NOL7: variants seen among roughly 807,000 people sequenced by gnomAD.
The protein encoded by NOL7 is nucleolar protein 7.
In NOL7, 36 loss-of-function variants were observed where a neutral mutation model predicts 38.4. The ratio of observed to expected loss-of-function variants is 0.94; its 90% CI spans 0.72 to 1.24. The LOEUF is 1.24. NOL7 is among the 50% of genes most tolerant of loss of function. The pLI, the probability that NOL7 is intolerant of heterozygous loss-of-function variation, is 0.00. For synonymous variants in NOL7, 142 were observed against 126.5 expected (o/e 1.12, Z -0.82); for missense variants, 350 against 315.1 (o/e 1.11, Z -0.84).
intron 8 of NOL7, among the ~76,000 whole-genome samples, chr6:13,627,659 G>A (rs1764652480): frequency 7.2e-6 from 1 of 139,448 alleles, no homozygotes; most frequent in South Asian, 2.5e-4. Context: ...AAAAAATCAC[G>A]TTATTTTTAA....
chr6:13,620,411 A>AT lies in NOL7; in HGVS notation c.627dup (p.Lys210Ter). 1.2e-6 allele frequency: 2 copies of AT among 1,614,140 alleles called. No individual in the cohort carries two copies. Among genetic ancestry groups the AT allele is most frequent in the Non-Finnish European group, 1.7e-6 (2 of 1,179,996 alleles). On this transcript the variant is annotated frameshift_variant, in exon 7 of 8. Coordinates refer to ENST00000451315, the MANE Select transcript of NOL7 (RefSeq NM_016167.5). LOFTEE classifies it high-confidence loss of function. ...GATAAATACCTTTCTTTTCTAGTAA[A>AT]TAAGTTCCTGTCTCTTGCCAACAAG...
chr6:13,615,924 G>A, intron 2 of NOL7, 152 bp downstream of exon 2: 1 of 861,726 alleles, frequency 1.2e-6, no homozygotes. Flanking sequence ...CGGGCCGGGC[G>A]CGGCAGTACT....
At chr6:13,622,357 C>G (rs759233812), downstream of NOL7, 1 of 1,560,110 alleles carries the variant, frequency 6.4e-7, no homozygotes, top group Non-Finnish European at 8.7e-7. Context: ...TCTTGAAATG[C>G]ATAGCTAATG....
At chr6:13,615,815 T>C (rs1584897521) in intron 2 of NOL7, 43 bp downstream of exon 2, 2 of 1,567,552 alleles carry the variant, frequency 1.3e-6, no homozygotes, top group African/African-American at 1.4e-5. Context: ...ACAACTCGGC[T>C]CAGGGAGAAT....
At chr6:13,620,128 G>A in intron 5 of NOL7, 80 bp from the exon 6 acceptor site, 1 of 1,477,238 alleles carries the variant, frequency 6.8e-7, no homozygotes, top group South Asian at 1.3e-5. Context: ...GGGTGACAGA[G>A]CGAGACTCTG....
At chr6:13,625,888 C>A, downstream of NOL7, 2 of 611,358 alleles carry the variant, frequency 3.3e-6, no homozygotes, top group Admixed American at 2.4e-5. Flanking sequence ...ACTTTAAACC[C>A]ATTTACTCCC....
intron 8 of NOL7, among the ~76,000 whole-genome samples, chr6:13,632,090 T>C (rs186299701): frequency 4.9e-5 from 7 of 144,064 alleles, no homozygotes; most frequent in Non-Finnish European, 9.0e-5. Flanking sequence ...CACACAATGT[T>C]GATAAGCACT....
intron 5 of NOL7, among the ~76,000 whole-genome samples, 170 bp from the exon 6 acceptor site, chr6:13,620,038 C>T (rs1366273943): frequency 6.6e-6 from 1 of 152,040 alleles, no homozygotes; most frequent in Non-Finnish European, 1.5e-5. Context: ...ACCTGTAATC[C>T]CACTATTCAG....
rs1254652169 is a variant in NOL7 at position 13,620,197 on chromosome 6, T to C, written c.501-11T>C. On this transcript the variant is annotated splice_polypyrimidine_tract_variant and intron_variant, in intron 5 of 7. Coordinates refer to ENST00000451315, the MANE Select transcript of NOL7 (RefSeq NM_016167.5). ...TGTAATTCTTATTTAACCTTTTATA[T>C]TGATCAACAGCCAGAATAAAAGCTA... 18 of 1,600,022 alleles carry C rather than the reference T, an allele frequency of 1.1e-5. No homozygotes were observed. The African/African-American group carries it at 1.9e-4, about 17-fold the overall frequency.
At chr6:13,630,244 TAGAAGTTAG>T in intron 8 of NOL7, among the ~76,000 whole-genome samples, 1 of 152,240 alleles carries the variant, frequency 6.6e-6, no homozygotes, top group South Asian at 2.1e-4. Context: ...GGCATTTGCT[TAGAAGTTAG>T]AGGTGCAAAA....
chr6:13,616,413 A>G lies in NOL7; in HGVS notation c.328-50A>G, dbSNP rs765901789. ...GGTAACTTCAGAAGCAACTCCGGAC[A>G]TACTATGTACATGACTTTCTATTAA... On this transcript the variant is annotated intron_variant, in intron 2 of 7. Coordinates refer to ENST00000451315, the MANE Select transcript of NOL7 (RefSeq NM_016167.5). 17 of 1,331,696 alleles carry G rather than the reference A, an allele frequency of 1.3e-5. 1 individual carries two copies. In the South Asian group the frequency reaches 2.1e-4, roughly 17 times the overall value. The allele number at this position is 1,331,696 out of a possible 1,614,324, so 82.5% of individuals were successfully genotyped here.
chr6:13,628,056 A>G (rs1048848141), intron 8 of NOL7, among the ~76,000 whole-genome samples: 1 of 152,186 alleles, frequency 6.6e-6, no homozygotes, highest in Non-Finnish European at 1.5e-5. Flanking sequence ...TTGTGCACTA[A>G]TATTGTGTGA....
chr6:13,627,005 G>A (rs1262331542), intron 8 of NOL7, among the ~76,000 whole-genome samples: 2 of 152,144 alleles, frequency 1.3e-5, no homozygotes, highest in African/African-American at 2.4e-5. Flanking sequence ...GTGCCTCTAC[G>A]CAAACACACA....
At chr6:13,625,575 G>T (rs1035973760), downstream of NOL7, 23 of 925,958 alleles carry the variant, frequency 2.5e-5, no homozygotes, top group African/African-American at 3.3e-4. Flanking sequence ...TTACCAAAGT[G>T]TAAATGCCAG....
intron 8 of NOL7, among the ~76,000 whole-genome samples, chr6:13,626,789 A>C (rs1322066202): frequency 6.6e-6 from 1 of 152,228 alleles, no homozygotes; most frequent in Non-Finnish European, 1.5e-5. Context: ...CAGCTGCTCA[A>C]AAAACCAGAT....
chr6:13,624,744 C>G (rs1228114512), downstream of NOL7, among the ~76,000 whole-genome samples: 1 of 152,186 alleles, frequency 6.6e-6, no homozygotes, highest in Non-Finnish European at 1.5e-5. Flanking sequence ...GATGCTCACC[C>G]CTGGCTAAGC....
Position 13,618,120 on chromosome 6 carries a change from CAA to C in NOL7, c.485_486del (p.Lys162SerfsTer8). On this transcript the variant is annotated frameshift_variant, in exon 5 of 8. Coordinates refer to ENST00000451315, the MANE Select transcript of NOL7 (RefSeq NM_016167.5). LOFTEE classifies it high-confidence loss of function. ...AAATGACTCCAAGAAAGTTAAAGTACAAAAAGTACAGTCTGTCAGGTAATGAG... is the reference window on the plus strand; with the variant it reads ...AAATGACTCCAAGAAAGTTAAAGTACAAAGTACAGTCTGTCAGGTAATGAG... ...KGNDSKKVKV[Q>X]KVQSVSQNKS... 1.3e-6 allele frequency: 2 copies of C among 1,589,766 alleles called. No homozygotes were observed. The highest frequency in any genetic ancestry group is 1.7e-6 in the Non-Finnish European group (2 of 1,159,780).
chr6:13,617,944 A>C, intron 4 of NOL7, 114 bp from the exon 5 acceptor site: 1 of 995,084 alleles, frequency 1.0e-6, no homozygotes, highest in South Asian at 1.4e-5. Flanking sequence ...TATTTCATAC[A>C]AATAAAAACT....
At chr6:13,622,586 T>C (rs567504334), downstream of NOL7, 4 of 1,299,562 alleles carry the variant, frequency 3.1e-6, no homozygotes, top group Middle Eastern at 2.0e-4. Flanking sequence ...CTTTAAAAAC[T>C]ACCACTCCCA....
Sources: gnomAD v4.1 joint callset for allele counts (sites outside exome capture counted in the v4.1 genomes callset) on GRCh38, gnomAD v4.1.1 for gene constraint, MANE v1.5 for transcripts, NCBI Gene and HGNC (gene_info 2026-07-23, HGNC 2026-07-21) for gene names.